Variants in SGCZ observed in about 807,000 individuals in gnomAD.
The protein encoded by SGCZ is sarcoglycan zeta.
SGCZ carries 40 observed loss-of-function variants against 41.3 expected under a neutral mutation model. The observed-to-expected ratio is 0.97, with a 90% CI of 0.75 to 1.26. The LOEUF (loss-of-function observed/expected upper bound fraction) is 1.26, where lower values mean the gene tolerates loss of function less well. SGCZ is among the 50% of genes most tolerant of loss of function. The pLI is 0.00. For synonymous variants in SGCZ, 206 were observed against 137.5 expected, an observed-to-expected ratio of 1.50 and a Z score of -3.49; for missense variants, 552 against 369.8, an observed-to-expected ratio of 1.49 and a Z score of -4.04.
intron 5 of SGCZ, among the ~76,000 whole-genome samples, chr8:14,119,927 G>A (rs1052438140): frequency 6.6e-6 from 1 of 152,092 alleles, no homozygotes; most frequent in Non-Finnish European, 1.5e-5. Context: ...TGATTGTGGT[G>A]GATAAACTTT....
At chr8:14,812,413 A>T (rs1031683265) in intron 1 of SGCZ, among the ~76,000 whole-genome samples, 10 of 152,104 alleles carry the variant, frequency 6.6e-5, no homozygotes, top group African/African-American at 2.2e-4. Context: ...GATGTTTTGA[A>T]TATATTTATT....
chr8:14,325,741 CACACACATATATATAT>C (rs1324448590), intron 2 of SGCZ, among the ~76,000 whole-genome samples: 12 of 32,052 alleles, frequency 3.7e-4, no homozygotes, highest in African/African-American at 6.3e-4. Context: ...CACACACACA[CACACACATATATATAT>C]ATATATATAT....
In SGCZ at chr8:14,090,614, G is replaced by C; in HGVS notation, c.768C>G (p.Ile256Met). ...AGCCAGTTGGTAGATTTCCCAGCTT[G>C]ATTGTCTCTGCATTTAAAAATATCT... ...EGEIFLNAET[I>M]KLGNLPTGSF... is the part of the protein sequence containing the mutation. Residue 256 changes from isoleucine (I) to methionine (M), a missense_variant, in exon 8 of 8, where the codon ATC becomes ATG. Physicochemically the swap from Ile to Met is conservative, Grantham distance 10. Transcript: ENST00000382080. 2 of 1,611,548 alleles carry C rather than the reference G, an allele frequency of 1.2e-6. No homozygotes were observed. Among genetic ancestry groups the C allele is most frequent in the Non-Finnish European group, 1.7e-6 (2 of 1,179,098 alleles).
chr8:14,872,161 C>T (rs1472140134), intron 1 of SGCZ, among the ~76,000 whole-genome samples: 2 of 151,756 alleles, frequency 1.3e-5, no homozygotes, highest in Non-Finnish European at 2.9e-5. Flanking sequence ...CACACCAGGG[C>T]CTGACAGGGC....
intron 3 of SGCZ, among the ~76,000 whole-genome samples, chr8:14,287,486 G>C (rs1279308607): frequency 6.6e-6 from 1 of 152,008 alleles, no homozygotes; most frequent in Admixed American, 6.6e-5. Flanking sequence ...TGCCCTGTAA[G>C]ATATTAATGA....
chr8:14,471,767 CAA>C (rs920909806), intron 2 of SGCZ, among the ~76,000 whole-genome samples: 3 of 151,962 alleles, frequency 2.0e-5, no homozygotes, highest in African/African-American at 4.8e-5. Context: ...GAAATCACTC[CAA>C]GTGTTAATTT....
chr8:14,597,979 G>C (rs1345324907), intron 1 of SGCZ, among the ~76,000 whole-genome samples: 1 of 151,936 alleles, frequency 6.6e-6, no homozygotes, highest in African/African-American at 2.4e-5. Flanking sequence ...ATAATGTTTT[G>C]AAAAATACAT....
intron 1 of SGCZ, among the ~76,000 whole-genome samples, chr8:15,146,462 G>A (rs1262839836): frequency 6.6e-6 from 1 of 152,158 alleles, no homozygotes; most frequent in Non-Finnish European, 1.5e-5. Flanking sequence ...CAGCCTCAAA[G>A]TCCTTGTTCT....
At chr8:14,103,032 A>AGAAACTGATTAAAATAATG (rs1802083127) in intron 6 of SGCZ, among the ~76,000 whole-genome samples, 1 of 152,216 alleles carries the variant, frequency 6.6e-6, no homozygotes, top group African/African-American at 2.4e-5. Context: ...TGACACCTCT[A>AGAAACTGATTAAAATAATG]GAAACTGATT....
At chr8:14,161,993 G>C (rs891863368) in intron 5 of SGCZ, among the ~76,000 whole-genome samples, 1 of 152,122 alleles carries the variant, frequency 6.6e-6, no homozygotes, top group African/African-American at 2.4e-5. Context: ...ATAGATAACT[G>C]CCTTAAGGCA....
chr8:14,712,678 T>C (rs1809560206), intron 1 of SGCZ, among the ~76,000 whole-genome samples: 1 of 152,282 alleles, frequency 6.6e-6, no homozygotes, highest in East Asian at 1.9e-4. Context: ...TTTGAGACAG[T>C]GCACGGCCAT....
intron 2 of SGCZ, among the ~76,000 whole-genome samples, chr8:14,410,046 C>T (rs562166483): frequency 6.6e-6 from 1 of 152,100 alleles, no homozygotes; most frequent in Non-Finnish European, 1.5e-5. Context: ...AACCAGCCAG[C>T]ATTACCGTCT....
At chr8:14,563,653 C>A (rs1804273758) in intron 1 of SGCZ, among the ~76,000 whole-genome samples, 1 of 152,008 alleles carries the variant, frequency 6.6e-6, no homozygotes, top group South Asian at 2.1e-4. Context: ...GCAATAAGAA[C>A]TAAGTTTAGA....
At chr8:14,605,889 A>T (rs1250588430) in intron 1 of SGCZ, among the ~76,000 whole-genome samples, 1 of 152,194 alleles carries the variant, frequency 6.6e-6, no homozygotes, top group Non-Finnish European at 1.5e-5. Context: ...GAATGAAAAG[A>T]TGAAGTATCT....
intron 3 of SGCZ, among the ~76,000 whole-genome samples, chr8:14,291,175 G>A (rs1214497080): frequency 6.6e-6 from 1 of 152,022 alleles, no homozygotes; most frequent in Non-Finnish European, 1.5e-5. Context: ...GAGAGTCAGG[G>A]AAATTATTAA....
At chr8:14,337,358 A>C (rs1006424488) in intron 2 of SGCZ, among the ~76,000 whole-genome samples, 3 of 152,122 alleles carry the variant, frequency 2.0e-5, no homozygotes, top group African/African-American at 7.2e-5. Flanking sequence ...TGACAAGCCC[A>C]ATCAGCAGGT....
chr8:14,707,262 C>G (rs1585198067), intron 1 of SGCZ, among the ~76,000 whole-genome samples: 2 of 148,372 alleles, frequency 1.3e-5, no homozygotes, highest in South Asian at 4.3e-4. Context: ...CAATTACCAC[C>G]TATGAGTGAG....
At chr8:14,106,873 C>T (rs542759648) in intron 6 of SGCZ, among the ~76,000 whole-genome samples, 1 of 152,130 alleles carries the variant, frequency 6.6e-6, no homozygotes, top group Non-Finnish European at 1.5e-5. Context: ...ATTTAGCTAT[C>T]ATAAATTAAT....
chr8:14,539,704 C>T (rs1803401053), intron 2 of SGCZ, among the ~76,000 whole-genome samples: 1 of 151,494 alleles, frequency 6.6e-6, no homozygotes, highest in Admixed American at 6.6e-5. Context: ...TTCCATCCTC[C>T]ACGCTCTGAA....
Sources: gnomAD v4.1 joint callset for allele counts (sites outside exome capture counted in the v4.1 genomes callset) on GRCh38, gnomAD v4.1.1 for gene constraint, MANE v1.5 for transcripts, NCBI Gene and HGNC (gene_info 2026-07-23, HGNC 2026-07-21) for gene names.